Variants in DNAH6 observed in about 807,000 individuals in gnomAD.
DNAH6 encodes dynein axonemal heavy chain 6.
DNAH6 carries 340 observed loss-of-function variants against 491.4 expected under a neutral mutation model. The ratio of observed to expected loss-of-function variants is 0.69; its 90% CI spans 0.63 to 0.76. The LOEUF (loss-of-function observed/expected upper bound fraction) is 0.76, where lower values mean the gene tolerates loss of function less well. Ranked by LOEUF, DNAH6 falls within the 30% of genes least tolerant of loss-of-function variation. DNAH6 has a pLI of 0.00. For synonymous variants in DNAH6, 1,603 were observed against 1,686.1 expected (o/e 0.95, Z 1.21); for missense variants, 4,443 against 4,972.2 (o/e 0.89, Z 3.20).
chr2:84,460,877 A>G, the DNAH6 span, among the ~76,000 whole-genome samples: 3 of 152,232 alleles, frequency 2.0e-5, no homozygotes, highest in Non-Finnish European at 4.4e-5. Context: ...CTGAGATGTA[A>G]CAGAAACCCA....
intron 4 of DNAH6, among the ~76,000 whole-genome samples, chr2:84,536,971 A>G (rs891613610): frequency 5.3e-5 from 8 of 152,132 alleles, no homozygotes; most frequent in Non-Finnish European, 8.8e-5. Flanking sequence ...GTCATATTAT[A>G]TAAAGAAATT....
chr2:84,698,310 G>A (rs554433665), intron 47 of DNAH6, among the ~76,000 whole-genome samples: 1 of 152,148 alleles, frequency 6.6e-6, no homozygotes, highest in African/African-American at 2.4e-5. Context: ...CTCCTGCTAG[G>A]TCGGAGATTA....
chr2:84,664,092 A>G (rs752446618), intron 37 of DNAH6, among the ~76,000 whole-genome samples: 1 of 152,206 alleles, frequency 6.6e-6, no homozygotes, highest in Non-Finnish European at 1.5e-5. Context: ...AGAGCTCCTG[A>G]AGGAAGCACT....
intron 4 of DNAH6, 49 bp downstream of exon 4, chr2:84,529,215 T>TG: frequency 3.8e-6 from 5 of 1,330,712 alleles, no homozygotes; most frequent in Non-Finnish European, 5.1e-6. Context: ...ACAAATAAGA[T>TG]TTCACATATT....
chr2:84,692,379 G>C (rs1187692805), intron 45 of DNAH6, among the ~76,000 whole-genome samples: 1 of 151,540 alleles, frequency 6.6e-6, no homozygotes, highest in Non-Finnish European at 1.5e-5. Context: ...TAAAATATTT[G>C]AACATTGTTT....
intron 4 of DNAH6, among the ~76,000 whole-genome samples, chr2:84,541,586 A>C (rs1678248907): frequency 6.6e-6 from 1 of 152,206 alleles, no homozygotes; most frequent in Non-Finnish European, 1.5e-5. Context: ...TCTATGTGCT[A>C]AAGGGACATT....
At chr2:84,657,056 C>A (rs986141406) in intron 35 of DNAH6, among the ~76,000 whole-genome samples, 2 of 151,956 alleles carry the variant, frequency 1.3e-5, no homozygotes, top group Non-Finnish European at 2.9e-5. Flanking sequence ...TGTGTATATC[C>A]AGTTGTTCCA....
At chr2:84,783,386 A>C (rs191396898) in intron 65 of DNAH6, among the ~76,000 whole-genome samples, 111 of 152,330 alleles carry the variant, frequency 7.3e-4, no homozygotes, top group Non-Finnish European at 8.2e-4. Flanking sequence ...TTGCAATTAT[A>C]AGAACAAAAG....
chr2:84,537,508 T>C (rs1339177074), intron 4 of DNAH6, among the ~76,000 whole-genome samples: 3 of 152,192 alleles, frequency 2.0e-5, no homozygotes, highest in Admixed American at 6.6e-5. Flanking sequence ...GCTATTAGAC[T>C]GCTGCAAGGA....
At chr2:84,797,886 A>G (rs1316112161) in intron 70 of DNAH6, among the ~76,000 whole-genome samples, 1 of 152,142 alleles carries the variant, frequency 6.6e-6, no homozygotes. Flanking sequence ...CCAAGCCCCT[A>G]CATCTCCAGG....
In DNAH6 at chr2:84,812,368, A is replaced by G. The variant is rs1457333983; in HGVS notation, c.11767A>G (p.Ile3923Val). The G allele has an allele frequency of 7.7e-6, 12 of 1,551,928 alleles. No homozygotes were observed. In the East Asian group the frequency reaches 2.7e-4, roughly 35 times the overall value. Reference sequence around the variant, plus strand: ...TTCTCTGGAAACACTCAACAAAGCCATCGCTGGATTTGTGGTGATGTCTGA... The same window carrying G: ...TTCTCTGGAAACACTCAACAAAGCCGTCGCTGGATTTGTGGTGATGTCTGA... ...HTSLETLNKAIAGFVVMSEEM... is the reference protein window; with the variant it reads ...HTSLETLNKAVAGFVVMSEEM... The change falls in exon 73 of 77, where the codon ATC becomes GTC. Residue 3923 changes from isoleucine (I) to valine (V), a missense_variant. Physicochemically the swap from Ile to Val is conservative, Grantham distance 29. Around this residue, in one of 3 missense-constraint regions of DNAH6, gnomAD observed 1,463 missense variants for 1,656.6 expected, o/e 0.88. Coordinates refer to ENST00000389394, the MANE Select transcript of DNAH6 (RefSeq NM_001370.2).
intron 33 of DNAH6, 48 bp from the exon 34 acceptor site, chr2:84,653,271 A>G: frequency 7.3e-7 from 1 of 1,366,574 alleles, no homozygotes. Flanking sequence ...ATACGGGAAA[A>G]TATCAATGAC....
intron 15 of DNAH6, 72 bp from the exon 16 acceptor site, chr2:84,588,754 T>G (rs148433636): frequency 8.1e-7 from 1 of 1,232,416 alleles, no homozygotes; most frequent in Admixed American, 3.2e-5. Flanking sequence ...AAATGTTTAT[T>G]AATTCATTTA....
At chr2:84,710,507 C>G in intron 56 of DNAH6, 95 bp downstream of exon 56, 1 of 1,212,918 alleles carries the variant, frequency 8.2e-7, no homozygotes, top group East Asian at 2.6e-5. Context: ...GCTAAAGACA[C>G]CAGTCAACTC....
At chr2:84,586,328 G>A (rs1240237847) in intron 15 of DNAH6, among the ~76,000 whole-genome samples, 1 of 152,224 alleles carries the variant, frequency 6.6e-6, no homozygotes, top group Non-Finnish European at 1.5e-5. Context: ...CATGGAGTGT[G>A]CAGCCCTGGC....
intron 11 of DNAH6, among the ~76,000 whole-genome samples, chr2:84,561,075 A>G (rs1265654994): frequency 1.3e-5 from 2 of 151,920 alleles, no homozygotes; most frequent in Non-Finnish European, 2.9e-5. Flanking sequence ...CAGTCCCACC[A>G]ACAGTGTAAA....
chr2:84,503,910 G>A, the DNAH6 span, among the ~76,000 whole-genome samples: 1 of 151,998 alleles, frequency 6.6e-6, no homozygotes, highest in South Asian at 2.1e-4. Context: ...TAGGTGTACT[G>A]TAACATTCTT....
intron 29 of DNAH6, among the ~76,000 whole-genome samples, chr2:84,627,432 T>TAG (rs1274431302): frequency 6.6e-6 from 1 of 152,222 alleles, no homozygotes; most frequent in African/African-American, 2.4e-5. Flanking sequence ...GGTGGAATTA[T>TAG]AGGTTTAAAA....
chr2:84,568,711 T>C (rs1268885641), intron 11 of DNAH6, among the ~76,000 whole-genome samples: 1 of 152,168 alleles, frequency 6.6e-6, no homozygotes, highest in African/African-American at 2.4e-5. Flanking sequence ...ACATGCATCC[T>C]GGAACTTAAA....
Sources: gnomAD v4.1 joint callset for allele counts (sites outside exome capture counted in the v4.1 genomes callset) on GRCh38, gnomAD v4.1.1 for gene constraint, gnomAD v4.1.1 regional missense constraint, MANE v1.5 for transcripts, NCBI Gene and HGNC (gene_info 2026-07-23, HGNC 2026-07-21) for gene names.